CLTCL1: variants seen among roughly 807,000 people sequenced by gnomAD.
CLTCL1 encodes clathrin heavy chain like 1.
Under a neutral mutation model 190.0 loss-of-function variants are expected in CLTCL1, and 159 were observed. The ratio of observed to expected loss-of-function variants is 0.84; its 90% CI spans 0.74 to 0.95. CLTCL1 has a LOEUF of 0.95. Among genes scored for constraint, CLTCL1 ranks in the 40% least tolerant of loss-of-function variants. The pLI, the probability that CLTCL1 is intolerant of heterozygous loss-of-function variation, is 0.00. For missense variants in CLTCL1, 1,878 were observed against 2,033.4 expected (o/e 0.92, Z 1.47); for synonymous variants, 752 against 769.6 (o/e 0.98, Z 0.38).
intron 1 of CLTCL1, among the ~76,000 whole-genome samples, chr22:19,289,610 G>A (rs1209516999): frequency 6.6e-6 from 1 of 152,170 alleles, no homozygotes; most frequent in Non-Finnish European, 1.5e-5. Context: ...TGGTTGTACA[G>A]ATGGAAGAGA....
intron 2 of CLTCL1, 70 bp from the exon 3 acceptor site, chr22:19,254,297 TA>T (rs1467041370): frequency 3.1e-6 from 4 of 1,278,480 alleles, no homozygotes; most frequent in Non-Finnish European, 4.4e-6. Flanking sequence ...CATATACTCT[TA>T]ATTCTGAATT....
intron 1 of CLTCL1, among the ~76,000 whole-genome samples, chr22:19,281,157 T>A (rs1435939533): frequency 6.6e-6 from 1 of 151,370 alleles, no homozygotes; most frequent in Non-Finnish European, 1.5e-5. Context: ...TAGCCAGGCA[T>A]GGTGGTGGGT....
At chr22:19,185,003 A>C (rs1178864142) in intron 29 of CLTCL1, among the ~76,000 whole-genome samples, 2 of 152,240 alleles carry the variant, frequency 1.3e-5, no homozygotes, top group Non-Finnish European at 2.9e-5. Flanking sequence ...ACTTTCATTT[A>C]AATGCTACTT....
chr22:19,194,791 G>A (rs1050981110), intron 26 of CLTCL1, among the ~76,000 whole-genome samples: 23 of 152,238 alleles, frequency 1.5e-4, no homozygotes, highest in Non-Finnish European at 2.9e-4. Flanking sequence ...CAGCCCTATG[G>A]CTAAGTGGAT....
intron 19 of CLTCL1, 40 bp downstream of exon 19, chr22:19,216,071 A>C (rs1555949253): frequency 6.3e-7 from 1 of 1,599,140 alleles, no homozygotes; most frequent in Admixed American, 1.7e-5. Context: ...AGATGTTTTG[A>C]ATCTGCCTGT....
Position 19,210,478 on chromosome 22 carries a change from T to C in CLTCL1, c.3097A>G (p.Ile1033Val), listed in dbSNP as rs140709833. The change falls in exon 20 of 33, where the codon ATC becomes GTC. Residue 1033 changes from isoleucine (I) to valine (V), a missense_variant. Physicochemically the swap from Ile to Val is conservative, Grantham distance 29. Coordinates refer to ENST00000427926, the MANE Select transcript of CLTCL1 (RefSeq NM_007098.4). Reference protein sequence around the residue: ...NLQNLLILTAIKADRTRVMEY... With the variant: ...NLQNLLILTAVKADRTRVMEY... ...ATGACCCGTGTGCGGTCTGCCTTGA[T>C]GGCAGTCAGGATCAACAGATTCTGT... The C allele has an allele frequency of 3.7e-6, 6 of 1,613,776 alleles. No individual in the cohort carries two copies. Among genetic ancestry groups the C allele is most frequent in the African/African-American group, 1.3e-5 (1 of 74,916 alleles).
At chr22:19,217,870 A>C (rs2085441307) in intron 18 of CLTCL1, among the ~76,000 whole-genome samples, 1 of 150,700 alleles carries the variant, frequency 6.6e-6, no homozygotes, top group Non-Finnish European at 1.5e-5. Context: ...AAAAAAAAAG[A>C]AAGAAAGAAA....
chr22:19,210,880 G>C (rs1434235729), intron 19 of CLTCL1, among the ~76,000 whole-genome samples: 1 of 152,042 alleles, frequency 6.6e-6, no homozygotes, highest in African/African-American at 2.4e-5. Flanking sequence ...AAGCAATATA[G>C]GCAGCTTTGC....
intron 2 of CLTCL1, among the ~76,000 whole-genome samples, chr22:19,264,691 T>C (rs782272159): frequency 6.6e-6 from 1 of 152,196 alleles, no homozygotes; most frequent in African/African-American, 2.4e-5. Flanking sequence ...CTGCTGTTGC[T>C]AACAGAAAGT....
rs1411168076 is a variant in CLTCL1 at position 19,188,031 on chromosome 22, TCTTG to T, written c.4380_4383del (p.Asn1460LysfsTer3). ...AGGTGGTTGAGTGCCTCATTCACAC[TCTTG>T]TTGTTGTGGCTCTGGACTGACCGCA... On this transcript the variant is annotated frameshift_variant, in exon 28 of 33. Coordinates refer to ENST00000427926, the MANE Select transcript of CLTCL1 (RefSeq NM_007098.4). LOFTEE classifies it high-confidence loss of function. 1 of 1,613,882 alleles carries T rather than the reference TCTTG, an allele frequency of 6.2e-7. No individual in the cohort carries two copies. The highest frequency in any genetic ancestry group is 8.5e-7 in the Non-Finnish European group (1 of 1,179,906).
At chr22:19,222,879 C>A in intron 14 of CLTCL1, 70 bp from the exon 15 acceptor site, 1 of 1,538,894 alleles carries the variant, frequency 6.5e-7, no homozygotes, top group African/African-American at 1.4e-5. Flanking sequence ...GGACTCATTG[C>A]ACACATGGGA....
At chr22:19,238,641 A>G (rs1555963455) in intron 5 of CLTCL1, 1 of 196,998 alleles carries the variant, frequency 5.1e-6, no homozygotes, top group Non-Finnish European at 1.1e-5. Context: ...GGCACATGCC[A>G]CATGCAGGTT....
intron 3 of CLTCL1, among the ~76,000 whole-genome samples, chr22:19,243,196 C>T (rs782384286): frequency 6.6e-6 from 1 of 152,064 alleles, no homozygotes; most frequent in Non-Finnish European, 1.5e-5. Flanking sequence ...AGTGTGAGAG[C>T]ATTTTTTCAT....
intron 29 of CLTCL1, 25 bp from the exon 30 acceptor site, chr22:19,183,636 TG>T: frequency 6.2e-7 from 1 of 1,609,994 alleles, no homozygotes; most frequent in Non-Finnish European, 8.5e-7. Context: ...AATGCTTGCT[TG>T]GGCATCCTGC....
intron 24 of CLTCL1, among the ~76,000 whole-genome samples, chr22:19,199,038 T>C (rs919380725): frequency 2.0e-5 from 3 of 152,130 alleles, no homozygotes; most frequent in Non-Finnish European, 4.4e-5. Context: ...CTGGCGCTGG[T>C]GCGAGCCCCT....
At chr22:19,274,366 C>G (rs2087425605) in intron 2 of CLTCL1, among the ~76,000 whole-genome samples, 1 of 152,084 alleles carries the variant, frequency 6.6e-6, no homozygotes, top group South Asian at 2.1e-4. Flanking sequence ...GGCAAATATT[C>G]CATCAAAAAG....
chr22:19,215,787 C>T (rs1048958304), intron 19 of CLTCL1, among the ~76,000 whole-genome samples: 6 of 152,226 alleles, frequency 3.9e-5, no homozygotes, highest in African/African-American at 1.4e-4. Flanking sequence ...GAGTTCAACA[C>T]ATCCTTAGGC....
intron 19 of CLTCL1, among the ~76,000 whole-genome samples, chr22:19,212,015 T>A (rs1264202784): frequency 6.6e-6 from 1 of 152,120 alleles, no homozygotes; most frequent in African/African-American, 2.4e-5. Flanking sequence ...ATAAATCTAA[T>A]AAAATCTACA....
At chr22:19,184,063 C>T in intron 29 of CLTCL1, 1 of 258,860 alleles carries the variant, frequency 3.9e-6, no homozygotes, top group South Asian at 4.5e-5. Flanking sequence ...AAACCCCTAA[C>T]TGCTATTTTC....
Sources: allele counts gnomAD v4.1 joint callset (sites outside exome capture counted in the v4.1 genomes callset), GRCh38; gene constraint gnomAD v4.1.1; transcripts MANE v1.5; gene names NCBI Gene and HGNC (gene_info 2026-07-23, HGNC 2026-07-21).